BBS4: variants seen among roughly 807,000 people sequenced by gnomAD.
BBS4 encodes BBSome complex member BBS4.
A neutral mutation model predicts 71.4 loss-of-function variants in BBS4; 58 were observed. The observed-to-expected ratio is 0.81, with a 90% CI of 0.66 to 1.01. The LOEUF is 1.01. Ranked by LOEUF, BBS4 falls within the 50% of genes least tolerant of loss-of-function variation. The probability of loss-of-function intolerance (pLI) is 0.00; values close to 1 mark genes in which losing one functional copy is unlikely to be tolerated. For missense variants in BBS4, 660 were observed against 607.9 expected (o/e 1.09, Z -0.90); for synonymous variants, 228 against 216.8 (o/e 1.05, Z -0.46).
chr15:72,715,435 C>A, intron 5 of BBS4, 33 bp downstream of exon 5: 3 of 1,449,840 alleles, frequency 2.1e-6, no homozygotes, highest in Non-Finnish European at 2.9e-6. Flanking sequence ...CCCTAGGGCA[C>A]TCACAGAGAA....
At chr15:72,703,983 G>T (rs925664974) in intron 2 of BBS4, among the ~76,000 whole-genome samples, 9 of 152,140 alleles carry the variant, frequency 5.9e-5, no homozygotes, top group Middle Eastern at 3.2e-3. Context: ...TTCTTGAGGT[G>T]TCATGTTTAT....
At chr15:72,734,555 A>C (rs2151052492) in intron 12 of BBS4, among the ~76,000 whole-genome samples, 2 of 152,326 alleles carry the variant, frequency 1.3e-5, no homozygotes, top group South Asian at 4.1e-4. Context: ...CTGTCTTCCT[A>C]GATCTCCTCT....
intron 2 of BBS4, among the ~76,000 whole-genome samples, chr15:72,708,398 A>C (rs1440693623): frequency 1.3e-5 from 2 of 152,192 alleles, no homozygotes; most frequent in Non-Finnish European, 2.9e-5. Flanking sequence ...CCAGTTCCCA[A>C]ATAATATTCT....
At chr15:72,726,501 A>G (rs548118123) in intron 8 of BBS4, among the ~76,000 whole-genome samples, 2 of 152,332 alleles carry the variant, frequency 1.3e-5, no homozygotes, top group Admixed American at 1.3e-4. Context: ...TCTGTGGTTC[A>G]AGGCTTATTA....
intron 10 of BBS4, among the ~76,000 whole-genome samples, 191 bp from the exon 11 acceptor site, chr15:72,731,114 C>T (rs914109363): frequency 8.2e-5 from 10 of 121,354 alleles, no homozygotes; most frequent in Non-Finnish European, 1.1e-4. Flanking sequence ...GCCAGAGAGC[C>T]ACAGTGTAGA....
At chr15:72,696,741 A>G (rs546745040) in intron 2 of BBS4, among the ~76,000 whole-genome samples, 1 of 152,112 alleles carries the variant, frequency 6.6e-6, no homozygotes, top group African/African-American at 2.4e-5. Flanking sequence ...GCATGCCGCC[A>G]TGCCTGGCTA....
chr15:72,699,510 C>G (rs562237514), intron 2 of BBS4, among the ~76,000 whole-genome samples: 21 of 152,260 alleles, frequency 1.4e-4, no homozygotes, highest in African/African-American at 4.6e-4. Flanking sequence ...AATACACACT[C>G]TTGAATTTTG....
chr15:72,694,284 A>G (rs1210689699), intron 1 of BBS4, among the ~76,000 whole-genome samples: 4 of 140,796 alleles, frequency 2.8e-5, no homozygotes, highest in Non-Finnish European at 6.2e-5. Flanking sequence ...TCTGCTTCCC[A>G]AGTTCAAGCC....
chr15:72,737,424 G>C, intron 15 of BBS4, 54 bp from the exon 16 acceptor site: 1 of 1,462,696 alleles, frequency 6.8e-7, no homozygotes, highest in Non-Finnish European at 9.4e-7. Context: ...AAAAAAGAAT[G>C]ATTTCTTCTG....
chr15:72,697,984 A>T (rs1056082201), intron 2 of BBS4: 2 of 455,864 alleles, frequency 4.4e-6, no homozygotes, highest in African/African-American at 4.0e-5. Flanking sequence ...CCCATGATGT[A>T]ACCTTAGGTG....
intron 1 of BBS4, among the ~76,000 whole-genome samples, chr15:72,688,513 A>G (rs1317156052): frequency 7.2e-6 from 1 of 139,546 alleles, no homozygotes. Flanking sequence ...TCCCGGGTTC[A>G]AGTGATTTTT....
At chr15:72,719,105 T>C (rs943709516) in intron 6 of BBS4, among the ~76,000 whole-genome samples, 3 of 152,040 alleles carry the variant, frequency 2.0e-5, no homozygotes. Flanking sequence ...GAAAAGTTAC[T>C]GCTTTAATGC....
intron 10 of BBS4, 70 bp downstream of exon 10, chr15:72,729,754 T>C: frequency 1.5e-6 from 2 of 1,355,036 alleles, no homozygotes; most frequent in Non-Finnish European, 2.1e-6. Flanking sequence ...GATCTGACCC[T>C]GGAAAGCAAA....
intron 1 of BBS4, among the ~76,000 whole-genome samples, chr15:72,688,065 A>AG (rs1309221183): frequency 0.014 from 2,078 of 144,744 alleles, 18 homozygotes; most frequent in Non-Finnish European, 0.019. Flanking sequence ...AAAAAAAAAA[A>AG]AAAAGAAAAT....
chr15:72,688,430 T>TTTTTTTTTTC lies in BBS4; in HGVS notation c.24+2180_24+2181insTTTTTTTTCT, dbSNP rs1285460524. Reference sequence around the variant, plus strand: ...TTTTATCTTTTTTTTTTTTTTTTTTTTGAGACGGAGTCTCACTTTGTCGCC... The same window carrying TTTTTTTTTTC: ...TTTTATCTTTTTTTTTTTTTTTTTTTTTTTTTTTTCTGAGACGGAGTCTCACTTTGTCGCC... On this transcript the variant is annotated intron_variant, in intron 1 of 15. Transcript: ENST00000268057. 3.3e-4 allele frequency among the ~76,000 whole-genome samples: 47 copies of TTTTTTTTTTC among 144,600 alleles called. 3 individuals are homozygous for TTTTTTTTTTC. The highest frequency in any genetic ancestry group is 1.2e-3 in the African/African-American group (46 of 38,030). The allele number at this position is 144,600 out of a possible 152,430, so 94.9% of individuals were successfully genotyped here.
At chr15:72,695,392 A>G (rs965901220) in intron 2 of BBS4, among the ~76,000 whole-genome samples, 164 bp downstream of exon 2, 9 of 152,168 alleles carry the variant, frequency 5.9e-5, no homozygotes, top group African/African-American at 1.9e-4. Context: ...GGCTCAAGCA[A>G]TTCTCCTGCC....
chr15:72,737,078 T>C (rs2065940981), intron 15 of BBS4, 115 bp downstream of exon 15: 3 of 1,309,062 alleles, frequency 2.3e-6, no homozygotes, highest in South Asian at 1.2e-5. Flanking sequence ...CAACGTAGTA[T>C]TGGCCACAAG....
At chr15:72,730,414 T>C (rs2065792212) in intron 10 of BBS4, among the ~76,000 whole-genome samples, 1 of 151,936 alleles carries the variant, frequency 6.6e-6, no homozygotes, top group Non-Finnish European at 1.5e-5. Context: ...CTGGGCCACA[T>C]AGTGAGACCC....
At chr15:72,710,449 C>G (rs536380680) in intron 3 of BBS4, among the ~76,000 whole-genome samples, 47 of 152,242 alleles carry the variant, frequency 3.1e-4, no homozygotes, top group African/African-American at 1.1e-3. Context: ...ATCTGCCCGC[C>G]TTGGCCTCCC....
Sources: gnomAD v4.1 joint callset for allele counts (sites outside exome capture counted in the v4.1 genomes callset) on GRCh38, gnomAD v4.1.1 for gene constraint, MANE v1.5 for transcripts, NCBI Gene and HGNC (gene_info 2026-07-23, HGNC 2026-07-21) for gene names.